The following SNAP25 variants were observed in gnomAD, a reference collection of about 807,000 sequenced individuals.
SNAP25 encodes synaptosome associated protein 25.
A neutral mutation model predicts 28.7 loss-of-function variants in SNAP25; 3 were observed. The observed-to-expected ratio is 0.10, with a 90% CI of 0.05 to 0.27. SNAP25 has a LOEUF of 0.27. SNAP25 is among the 10% of genes least tolerant of loss of function. The pLI is 1.00. For synonymous variants in SNAP25, 61 were observed against 88.1 expected (o/e 0.69, Z 1.72); for missense variants, 117 against 278.7 (o/e 0.42, Z 4.13).
intron 4 of SNAP25, among the ~76,000 whole-genome samples, chr20:10,289,041 G>T (rs1046578814): frequency 2.0e-5 from 3 of 152,114 alleles, no homozygotes; most frequent in African/African-American, 7.2e-5. Context: ...CCTCACAGCA[G>T]CACGGGAGCC....
At chr20:10,241,658 C>T (rs181674907) in intron 1 of SNAP25, among the ~76,000 whole-genome samples, 50 of 152,194 alleles carry the variant, frequency 3.3e-4, no homozygotes, top group African/African-American at 1.1e-3. Flanking sequence ...ATGACAAGAA[C>T]GGCCAATCAT....
chr20:10,243,235 T>C (rs1378187145), intron 1 of SNAP25, among the ~76,000 whole-genome samples: 1 of 152,212 alleles, frequency 6.6e-6, no homozygotes, highest in African/African-American at 2.4e-5. Context: ...ACTTTTTATT[T>C]TGAAATATTT....
At chr20:10,262,220 A>G (rs1187248294) in intron 1 of SNAP25, among the ~76,000 whole-genome samples, 1 of 152,236 alleles carries the variant, frequency 6.6e-6, no homozygotes, top group Non-Finnish European at 1.5e-5. Flanking sequence ...TGTTATTTTT[A>G]TATATTCTAA....
At chr20:10,269,160 G>C (rs768892936) in intron 1 of SNAP25, among the ~76,000 whole-genome samples, 1 of 152,064 alleles carries the variant, frequency 6.6e-6, no homozygotes, top group East Asian at 1.9e-4. Context: ...CCTGTAACCC[G>C]GCACTTTGGG....
chr20:10,292,054 A>G (rs1332546296), intron 4 of SNAP25, among the ~76,000 whole-genome samples: 1 of 152,242 alleles, frequency 6.6e-6, no homozygotes, highest in African/African-American at 2.4e-5. Context: ...TGCTGGCAGC[A>G]GTGACACCAT....
chr20:10,268,803 A>G (rs1335144097), intron 1 of SNAP25, among the ~76,000 whole-genome samples: 2 of 152,150 alleles, frequency 1.3e-5, no homozygotes, highest in Non-Finnish European at 2.9e-5. Context: ...CTTGACACTG[A>G]AGAATAACTG....
chr20:10,305,933 G>A (rs1039334665), intron 7 of SNAP25, among the ~76,000 whole-genome samples, 196 bp from the exon 8 acceptor site: 17 of 151,120 alleles, frequency 1.1e-4, no homozygotes, highest in Admixed American at 1.3e-4. Flanking sequence ...AAAAAAAAAT[G>A]AAAATTAAGC....
Position 10,223,044 on chromosome 20 carries a change from C to T in SNAP25, c.-64+4067C>T, listed in dbSNP as rs575858171. ...TATTCAGCATTGTCAAGTGCACTGA[C>T]GGGAGGAATGAAAAAAGTTGTCATT... On this transcript the variant is annotated intron_variant, in intron 1 of 7. Transcript: ENST00000254976. 3.3e-5 allele frequency among the ~76,000 whole-genome samples: 5 copies of T among 152,120 alleles called. No homozygotes were observed. The South Asian group carries it at 1.0e-3, about 32-fold the overall frequency.
intron 4 of SNAP25, among the ~76,000 whole-genome samples, chr20:10,291,215 A>G (rs1244515643): frequency 6.6e-6 from 1 of 152,184 alleles, no homozygotes; most frequent in Non-Finnish European, 1.5e-5. Context: ...CTGGGATTAC[A>G]GGCGCATGCC....
intron 2 of SNAP25, among the ~76,000 whole-genome samples, chr20:10,276,335 C>T (rs549123375): frequency 2.0e-5 from 3 of 152,192 alleles, no homozygotes; most frequent in East Asian, 3.9e-4. Context: ...ATTTATCACC[C>T]AAGAATCTGC....
At chr20:10,273,906 G>T (rs1382494502) in intron 1 of SNAP25, among the ~76,000 whole-genome samples, 1 of 152,106 alleles carries the variant, frequency 6.6e-6, no homozygotes, top group Non-Finnish European at 1.5e-5. Context: ...CGATGGCCTG[G>T]GGACATGGCT....
chr20:10,251,642 A>G (rs1360252806), intron 1 of SNAP25, among the ~76,000 whole-genome samples: 1 of 152,214 alleles, frequency 6.6e-6, no homozygotes, highest in Non-Finnish European at 1.5e-5. Flanking sequence ...ACATAAATCT[A>G]TTTGAATGGA....
intron 1 of SNAP25, among the ~76,000 whole-genome samples, chr20:10,251,928 A>G (rs1265641001): frequency 6.6e-6 from 1 of 152,188 alleles, no homozygotes; most frequent in African/African-American, 2.4e-5. Context: ...TGAGGCACAA[A>G]TTCTCTGTAC....
chr20:10,265,763 A>G (rs2063495831), intron 1 of SNAP25, among the ~76,000 whole-genome samples: 1 of 152,140 alleles, frequency 6.6e-6, no homozygotes, highest in Non-Finnish European at 1.5e-5. Context: ...ACAGGCACAG[A>G]GTCACCCCCA....
intron 1 of SNAP25, among the ~76,000 whole-genome samples, chr20:10,248,143 C>A (rs896404040): frequency 3.9e-5 from 6 of 152,208 alleles, no homozygotes; most frequent in Admixed American, 6.5e-5. Flanking sequence ...AAAAGTTGTT[C>A]TCCCCAGCTG....
At position 10,220,704 on chromosome 20, in the gene SNAP25, CA is replaced by C. The variant is rs553481434; in HGVS notation, c.-64+1733del. On this transcript the variant is annotated intron_variant, in intron 1 of 7. Transcript: ENST00000254976. ...AAAATTATGCCATTTGAGTCATTAG[CA>C]AAAAAGAGTAACAGCGTCATATGTA... 2.6e-3 allele frequency among the ~76,000 whole-genome samples: 402 copies of C among 152,076 alleles called. 2 individuals carry two copies. Among genetic ancestry groups the C allele is most frequent in the Middle Eastern group, 0.01 (3 of 294 alleles).
At chr20:10,270,500 A>G (rs2063574939) in intron 1 of SNAP25, among the ~76,000 whole-genome samples, 1 of 152,092 alleles carries the variant, frequency 6.6e-6, no homozygotes, top group African/African-American at 2.4e-5. Context: ...GGAGTTCGAG[A>G]CCAGCCTGGC....
intron 3 of SNAP25, among the ~76,000 whole-genome samples, chr20:10,283,142 G>T (rs2063809827): frequency 6.6e-6 from 1 of 152,190 alleles, no homozygotes; most frequent in Non-Finnish European, 1.5e-5. Context: ...GATATTTTTA[G>T]TTTGCCTAGA....
chr20:10,277,021 GGTT>G (rs1343538191), intron 2 of SNAP25, among the ~76,000 whole-genome samples: 1 of 152,176 alleles, frequency 6.6e-6, no homozygotes. Flanking sequence ...AAATCACACT[GGTT>G]GTTGGATTCT....
Sources: gnomAD v4.1 joint callset for allele counts (sites outside exome capture counted in the v4.1 genomes callset) on GRCh38, gnomAD v4.1.1 for gene constraint, MANE v1.5 for transcripts, NCBI Gene and HGNC (gene_info 2026-07-23, HGNC 2026-07-21) for gene names.